Variants in SLC4A10 observed in about 807,000 individuals in gnomAD.
The protein encoded by SLC4A10 is sodium-driven chloride bicarbonate exchanger.
A neutral mutation model predicts 137.7 loss-of-function variants in SLC4A10; 42 were observed. The observed-to-expected ratio is 0.30, with a 90% CI of 0.24 to 0.39. SLC4A10 has a LOEUF of 0.39. SLC4A10 is among the 10% of genes least tolerant of loss of function. The pLI, the probability that SLC4A10 is intolerant of heterozygous loss-of-function variation, is 1.00. For missense variants in SLC4A10, 925 were observed against 1,355.0 expected, an observed-to-expected ratio of 0.68 and a Z score of 4.98; for synonymous variants, 474 against 464.1, an observed-to-expected ratio of 1.02 and a Z score of -0.27.
intron 1 of SLC4A10, among the ~76,000 whole-genome samples, chr2:161,700,932 GT>G (rs1024131430): frequency 2.0e-5 from 3 of 152,140 alleles, no homozygotes; most frequent in Non-Finnish European, 4.4e-5. Flanking sequence ...AGTTTATACA[GT>G]TTTTTCTTTT....
At chr2:161,834,794 C>G (rs1255358753) in intron 3 of SLC4A10, among the ~76,000 whole-genome samples, 1 of 151,940 alleles carries the variant, frequency 6.6e-6, no homozygotes, top group African/African-American at 2.4e-5. Context: ...CATGTAGTGG[C>G]TTGCATGGAT....
At chr2:161,868,444 TCA>T (rs769747016) in intron 6 of SLC4A10, among the ~76,000 whole-genome samples, 15 of 151,686 alleles carry the variant, frequency 9.9e-5, no homozygotes, top group Non-Finnish European at 1.9e-4. Flanking sequence ...CAAAATACTC[TCA>T]GTTTTCTCCT....
intron 1 of SLC4A10, among the ~76,000 whole-genome samples, chr2:161,663,587 T>G (rs1014442184): frequency 6.6e-6 from 1 of 152,072 alleles, no homozygotes; most frequent in Admixed American, 6.6e-5. Flanking sequence ...GAAAGAAGAT[T>G]TAAAGTGAGG....
chr2:161,907,678 G>A (rs930123320), intron 15 of SLC4A10, among the ~76,000 whole-genome samples: 2 of 152,200 alleles, frequency 1.3e-5, no homozygotes, highest in Non-Finnish European at 2.9e-5. Context: ...TAAAAATGCA[G>A]TAGAAGTTAG....
chr2:161,637,683 T>G (rs913951014), intron 1 of SLC4A10, among the ~76,000 whole-genome samples: 1 of 152,164 alleles, frequency 6.6e-6, no homozygotes, highest in Non-Finnish European at 1.5e-5. Context: ...GACAGTTCTA[T>G]TTTTAATTTT....
intron 2 of SLC4A10, among the ~76,000 whole-genome samples, chr2:161,800,441 G>A (rs2055257048): frequency 6.6e-6 from 1 of 151,820 alleles, no homozygotes; most frequent in South Asian, 2.1e-4. Context: ...TAGGTATTTG[G>A]GATACATCAG....
chr2:161,848,657 T>C (rs1252345758), intron 4 of SLC4A10, among the ~76,000 whole-genome samples: 1 of 152,170 alleles, frequency 6.6e-6, no homozygotes, highest in Non-Finnish European at 1.5e-5. Context: ...TCATTGCTTA[T>C]TTTTATTGGC....
chr2:161,793,026 T>A (rs1477805452), intron 2 of SLC4A10, among the ~76,000 whole-genome samples: 1 of 152,132 alleles, frequency 6.6e-6, no homozygotes, highest in Non-Finnish European at 1.5e-5. Flanking sequence ...ACCAGAATCA[T>A]TGCAACCCTA....
intron 23 of SLC4A10, among the ~76,000 whole-genome samples, chr2:161,967,182 C>T (rs541718739): frequency 5.3e-5 from 8 of 152,244 alleles, no homozygotes; most frequent in Non-Finnish European, 1.2e-4. Context: ...CTGGACACTT[C>T]GGTTTCCTCC....
At chr2:161,692,888 C>A (rs987938974) in intron 1 of SLC4A10, among the ~76,000 whole-genome samples, 1 of 151,714 alleles carries the variant, frequency 6.6e-6, no homozygotes, top group Non-Finnish European at 1.5e-5. Context: ...GAGTTAGCAG[C>A]CTTAGCAGCC....
intron 4 of SLC4A10, among the ~76,000 whole-genome samples, chr2:161,853,885 A>G (rs1458095429): frequency 6.6e-6 from 1 of 151,564 alleles, no homozygotes; most frequent in African/African-American, 2.4e-5. Context: ...CTCTCTTACT[A>G]CTCTGCACAT....
At chr2:161,819,500 A>C (rs917581788) in intron 3 of SLC4A10, among the ~76,000 whole-genome samples, 5 of 141,198 alleles carry the variant, frequency 3.5e-5, no homozygotes, top group African/African-American at 7.8e-5. Flanking sequence ...CTAAAATTTC[A>C]CTTTTTTTTT....
At chr2:161,917,589 AAAAG>A (rs1204956639) in intron 15 of SLC4A10, among the ~76,000 whole-genome samples, 2 of 151,840 alleles carry the variant, frequency 1.3e-5, no homozygotes, top group African/African-American at 2.4e-5. Context: ...AAAAAAAAAA[AAAAG>A]AAAGAAAGAG....
chr2:161,853,179 T>A (rs2059923455), intron 4 of SLC4A10, among the ~76,000 whole-genome samples: 1 of 152,168 alleles, frequency 6.6e-6, no homozygotes, highest in East Asian at 1.9e-4. Flanking sequence ...TCTATGTCAG[T>A]TGGGATAGGC....
chr2:161,724,309 AT>A (rs1245938383), intron 1 of SLC4A10, among the ~76,000 whole-genome samples: 2 of 152,210 alleles, frequency 1.3e-5, no homozygotes. Context: ...TACTTTCAAG[AT>A]AATTTTTAGA....
chr2:161,785,043 A>G (rs145060598), intron 2 of SLC4A10, among the ~76,000 whole-genome samples: 382 of 151,808 alleles, frequency 2.5e-3, no homozygotes, highest in African/African-American at 8.8e-3. Flanking sequence ...ATCATATATT[A>G]AAGAGGAGGT....
chr2:161,655,239 T>G (rs1039323258), intron 1 of SLC4A10, among the ~76,000 whole-genome samples: 2 of 152,228 alleles, frequency 1.3e-5, no homozygotes, highest in African/African-American at 4.8e-5. Flanking sequence ...AATACTGAAT[T>G]TGTTTATTCT....
At chr2:161,694,078 A>G (rs1371639432) in intron 1 of SLC4A10, among the ~76,000 whole-genome samples, 1 of 151,916 alleles carries the variant, frequency 6.6e-6, no homozygotes, top group Non-Finnish European at 1.5e-5. Context: ...CTTTTCTTTT[A>G]TTACTCACTT....
intron 3 of SLC4A10, among the ~76,000 whole-genome samples, chr2:161,815,849 CT>C (rs1435608191): frequency 6.6e-6 from 1 of 152,086 alleles, no homozygotes; most frequent in Admixed American, 6.6e-5. Context: ...GATTCTCCCT[CT>C]TATTTTTTGC....
Sources: allele counts gnomAD v4.1 joint callset (sites outside exome capture counted in the v4.1 genomes callset), GRCh38; gene constraint gnomAD v4.1.1; transcripts MANE v1.5; gene names NCBI Gene and HGNC (gene_info 2026-07-23, HGNC 2026-07-21).